Variants in SNRPN observed in about 807,000 individuals in gnomAD.
SNRPN encodes the protein small nuclear ribonucleoprotein polypeptide N.
SNRPN carries 7 observed loss-of-function variants against 25.2 expected under a neutral mutation model. That is an observed-to-expected ratio of 0.28 (90% CI 0.16 to 0.52). SNRPN has a LOEUF of 0.52. Among genes scored for constraint, SNRPN ranks in the 20% least tolerant of loss-of-function variants. The pLI, the probability that SNRPN is intolerant of heterozygous loss-of-function variation, is 0.96. For missense variants in SNRPN, 196 were observed against 322.5 expected, an observed-to-expected ratio of 0.61 and a Z score of 3.00; for synonymous variants, 124 against 110.6, an observed-to-expected ratio of 1.12 and a Z score of -0.76.
At chr15:24,955,309 C>T (rs1017282675) in intron 1 of SNRPN, among the ~76,000 whole-genome samples, 7 of 151,984 alleles carry the variant, frequency 4.6e-5, no homozygotes, top group African/African-American at 1.4e-4. Context: ...GGTGTCGCGA[C>T]AGGTCCTATT....
chr15:24,977,958 T>C, intron 8 of SNRPN, 42 bp downstream of exon 8: 1 of 1,508,598 alleles, frequency 6.6e-7, no homozygotes, highest in Non-Finnish European at 8.9e-7. Flanking sequence ...GAATCTCTGA[T>C]GAGAGATAGC....
chr15:24,967,525 T>C (rs977752678), intron 2 of SNRPN, among the ~76,000 whole-genome samples: 3 of 151,762 alleles, frequency 2.0e-5, no homozygotes, highest in Admixed American at 6.6e-5. Context: ...ACCTGTAGTC[T>C]CAGCTACTCG....
chr15:24,833,594 C>A (rs1055399210), intron 2 of SNRPN, among the ~76,000 whole-genome samples: 1 of 151,888 alleles, frequency 6.6e-6, no homozygotes, highest in Non-Finnish European at 1.5e-5. Flanking sequence ...GAATGATGAC[C>A]CAGTGAGGTA....
exon 1 of SNRPN, chr15:24,823,742 C>G (rs2049895211): frequency 6.6e-6 from 1 of 152,186 alleles, no homozygotes; most frequent in South Asian, 2.1e-4. Context: ...CTCTCTGGGG[C>G]TATTTGAGGA....
At chr15:24,950,818 GATTAC>G (rs921544673), upstream of SNRPN, among the ~76,000 whole-genome samples, 1 of 151,056 alleles carries the variant, frequency 6.6e-6, no homozygotes, top group African/African-American at 2.4e-5. Flanking sequence ...AAAGGATTGG[GATTAC>G]AGGCTTGAGC....
Position 24,962,105 on chromosome 15 carries a change from C to G in SNRPN, c.-390-9C>G, listed in dbSNP as rs2074932798. The stretch of plus-strand genomic sequence containing the variant: ...TCTACCAAACAAATGCCTCTCTTTT[C>G]TGTTTCAGGGATCGCTTACACCTGA... On this transcript the variant is annotated splice_polypyrimidine_tract_variant and intron_variant, in intron 1 of 9. Coordinates refer to ENST00000390687, the MANE Select transcript of SNRPN (RefSeq NM_003097.6). 1.9e-6 allele frequency: 3 copies of G among 1,612,874 alleles called. No individual in the cohort carries two copies. The highest frequency in any genetic ancestry group is 2.5e-6 in the Non-Finnish European group (3 of 1,178,908).
At chr15:24,884,371 G>C (rs150389001) in intron 1 of SNRPN, among the ~76,000 whole-genome samples, 14 of 152,178 alleles carry the variant, frequency 9.2e-5, no homozygotes, top group Non-Finnish European at 1.5e-4. Flanking sequence ...GTATATTCCT[G>C]GTATTGATTG....
At chr15:24,913,993 T>C (rs1340899476) in intron 2 of SNRPN, among the ~76,000 whole-genome samples, 1 of 152,194 alleles carries the variant, frequency 6.6e-6, no homozygotes, top group Non-Finnish European at 1.5e-5. Flanking sequence ...TTACTAAGCA[T>C]GTTGCTATAA....
In SNRPN at chr15:24,872,871, CAAAAAAAAAA is replaced by C. The variant is rs202062268; in HGVS notation, c.-578-13629_-578-13620del. The stretch of plus-strand genomic sequence containing the variant: ...TGGGTGACAGAGCGAGACTCCGTCT[CAAAAAAAAAA>C]AAAAAAAAAAAAAAATAGTTTTCCT... On this transcript the variant is annotated intron_variant, in intron 1 of 11. Coordinates refer to the SNRPN transcript ENST00000400097. Among the ~76,000 whole-genome samples the C allele has an allele frequency of 3.5e-4, 21 of 59,358 alleles. 3 individuals carry two copies. The highest frequency in any genetic ancestry group is 6.7e-4 in the Admixed American group (3 of 4,468). The allele number at this position is 59,358 out of a possible 152,430, so 38.9% of individuals were successfully genotyped here. A position where few individuals can be genotyped will look rare whatever the true frequency, so the allele number is the denominator to read the frequency against.
At chr15:24,923,169 G>A (rs891046230) in intron 3 of SNRPN, among the ~76,000 whole-genome samples, 1 of 152,092 alleles carries the variant, frequency 6.6e-6, no homozygotes, top group Non-Finnish European at 1.5e-5. Context: ...GCCTCCCAAA[G>A]TGCTGGGATT....
At chr15:24,883,386 G>T (rs1040614869) in intron 1 of SNRPN, among the ~76,000 whole-genome samples, 16 of 152,212 alleles carry the variant, frequency 1.1e-4, no homozygotes, top group Non-Finnish European at 2.9e-5. Context: ...TCATCTGGCT[G>T]TCTGGGAGGA....
rs8042392 is a variant in SNRPN at position 24,935,031 on chromosome 15, G to A, written c.-391+14907G>A. Among the ~76,000 whole-genome samples the A allele has an allele frequency of 8.6e-3, 1,312 of 152,214 alleles. 30 individuals carry two copies. The highest frequency in any genetic ancestry group is 0.03 in the African/African-American group (1,239 of 41,534). On this transcript the variant is annotated intron_variant, in intron 3 of 11. Transcript: ENST00000400097. ...TCACACCTGTAATCACAGCACTTTG[G>A]GAGGCCGTTGCAGGCCGGTTGCCTG...
chr15:24,871,558 C>T (rs937288782), intron 1 of SNRPN, among the ~76,000 whole-genome samples: 3 of 151,820 alleles, frequency 2.0e-5, no homozygotes, highest in Non-Finnish European at 2.9e-5. Flanking sequence ...TTTATGTGCC[C>T]TTTGGGGATA....
intron 8 of SNRPN, 48 bp downstream of exon 8, chr15:24,977,964 AT>A: frequency 6.7e-7 from 1 of 1,493,294 alleles, no homozygotes; most frequent in Non-Finnish European, 9.0e-7. Context: ...CTGATGAGAG[AT>A]AGCTTACTGA....
At chr15:24,894,420 A>G (rs997661111) in intron 2 of SNRPN, among the ~76,000 whole-genome samples, 44 of 152,114 alleles carry the variant, frequency 2.9e-4, no homozygotes, top group Non-Finnish European at 4.3e-4. Context: ...GGCTTTCACC[A>G]TGTTAGCCAG....
At chr15:24,900,802 A>T (rs1445782136) in intron 2 of SNRPN, among the ~76,000 whole-genome samples, 1 of 152,192 alleles carries the variant, frequency 6.6e-6, no homozygotes, top group Admixed American at 6.6e-5. Context: ...CTGGGGATTC[A>T]AGATTTATTG....
At position 24,864,412 on chromosome 15, in the gene SNRPN, C is replaced by T. The variant is rs191423257; in HGVS notation, c.-579+7696C>T. The stretch of plus-strand genomic sequence containing the variant: ...AGGCTAGAATACAATGGCGCAATCT[C>T]GGCTCGCTGCAACCTCTGCCTCCCG... On this transcript the variant is annotated intron_variant, in intron 1 of 11. Transcript: ENST00000400097. Among the ~76,000 whole-genome samples the T allele has an allele frequency of 1.3e-3, 186 of 144,148 alleles. 1 individual carries two copies. The highest frequency in any genetic ancestry group is 2.2e-3 in the Non-Finnish European group (147 of 66,726). The allele number at this position is 144,148 out of a possible 152,430, so 94.6% of individuals were successfully genotyped here.
At chr15:24,913,333 A>G (rs2059327968) in intron 2 of SNRPN, among the ~76,000 whole-genome samples, 1 of 152,154 alleles carries the variant, frequency 6.6e-6, no homozygotes, top group South Asian at 2.1e-4. Context: ...GAGTTAAGGA[A>G]TCATGCCCAC....
upstream of SNRPN, among the ~76,000 whole-genome samples, chr15:24,853,939 A>G (rs1177624185): frequency 1.3e-5 from 2 of 152,232 alleles, no homozygotes; most frequent in African/African-American, 4.8e-5. Flanking sequence ...TGGGAAGAGT[A>G]TCTGCAAAAA....
Sources: gnomAD v4.1 joint callset for allele counts (sites outside exome capture counted in the v4.1 genomes callset) on GRCh38, gnomAD v4.1.1 for gene constraint, MANE v1.5 for transcripts, NCBI Gene and HGNC (gene_info 2026-07-23, HGNC 2026-07-21) for gene names.